The following TRHDE variants were observed in gnomAD, a reference collection of about 807,000 sequenced individuals.
TRHDE encodes the protein thyrotropin releasing hormone degrading enzyme.
A neutral mutation model predicts 125.7 loss-of-function variants in TRHDE; 72 were observed. The observed-to-expected ratio is 0.57, with a 90% CI of 0.47 to 0.70. TRHDE has a LOEUF of 0.70. TRHDE is among the 30% of genes least tolerant of loss of function. The probability of loss-of-function intolerance (pLI) is 0.00; values close to 1 mark genes in which losing one functional copy is unlikely to be tolerated. For missense variants in TRHDE, 1,110 were observed against 1,327.1 expected (o/e 0.84, Z 2.54); for synonymous variants, 509 against 509.1 (o/e 1.00, Z 0.00).
intron 3 of TRHDE, among the ~76,000 whole-genome samples, chr12:72,409,705 A>G (rs989139948): frequency 6.6e-6 from 1 of 152,186 alleles, no homozygotes; most frequent in Non-Finnish European, 1.5e-5. Context: ...TGATTTGGAG[A>G]TGTGATTTAG....
chr12:72,199,798 T>G (rs1877519612), intron 2 of TRHDE, among the ~76,000 whole-genome samples: 1 of 152,186 alleles, frequency 6.6e-6, no homozygotes, highest in Admixed American at 6.5e-5. Context: ...GTTCTTGCAT[T>G]ATGTGAAGAT....
intron 2 of TRHDE, among the ~76,000 whole-genome samples, chr12:72,128,961 A>G (rs914329792): frequency 2.0e-5 from 3 of 152,322 alleles, no homozygotes; most frequent in African/African-American, 4.8e-5. Flanking sequence ...AAGAAAGAGG[A>G]AAAAAGAATA....
chr12:72,572,005 A>ACACACACACACACACACACACC (rs1870758577), intron 10 of TRHDE, among the ~76,000 whole-genome samples: 1 of 151,422 alleles, frequency 6.6e-6, no homozygotes, highest in Admixed American at 6.6e-5. Context: ...ACACACACAC[A>ACACACACACACACACACACACC]CACACACACA....
At chr12:72,287,073 T>C (rs1879916981) in intron 2 of TRHDE, 119 bp downstream of exon 2, 2 of 1,094,922 alleles carry the variant, frequency 1.8e-6, no homozygotes, top group South Asian at 3.3e-5. Context: ...TGGAATTCTT[T>C]CTTTAATTCT....
intron 3 of TRHDE, among the ~76,000 whole-genome samples, chr12:72,433,504 T>C (rs1054003946): frequency 1.3e-5 from 2 of 151,976 alleles, no homozygotes; most frequent in African/African-American, 2.4e-5. Context: ...TCCCCGAGCA[T>C]GGAGCCTTTG....
chr12:72,438,832 A>G (rs546682973), intron 3 of TRHDE, among the ~76,000 whole-genome samples: 2 of 152,002 alleles, frequency 1.3e-5, no homozygotes, highest in East Asian at 3.9e-4. Context: ...TTTTATGGTC[A>G]CATCTAAAAA....
intron 7 of TRHDE, among the ~76,000 whole-genome samples, chr12:72,543,666 C>T (rs1592525393): frequency 6.6e-6 from 1 of 151,334 alleles, no homozygotes; most frequent in Non-Finnish European, 1.5e-5. Context: ...TTGATTTCTT[C>T]ATAGCAAGTT....
intron 2 of TRHDE, among the ~76,000 whole-genome samples, chr12:72,162,648 T>C (rs980771596): frequency 2.0e-5 from 3 of 152,316 alleles, no homozygotes; most frequent in Admixed American, 2.0e-4. Context: ...CTGCTTAAAC[T>C]AGTTAAAGTG....
chr12:72,275,319 C>T (rs549930025), intron 1 of TRHDE, among the ~76,000 whole-genome samples: 1 of 152,234 alleles, frequency 6.6e-6, no homozygotes, highest in South Asian at 2.1e-4. Context: ...AAGTAACCTC[C>T]TATAAATAAA....
Position 72,347,649 on chromosome 12 carries a change from G to A in TRHDE, c.1189-30346G>A, listed in dbSNP as rs145076791. Reference sequence around the variant, plus strand: ...TTCCTCGTGGGTTGTTGGGCTGAGGGCTTCAGTTTCTTGCTGGCATTGGCT... The same window carrying A: ...TTCCTCGTGGGTTGTTGGGCTGAGGACTTCAGTTTCTTGCTGGCATTGGCT... On this transcript the variant is annotated intron_variant, in intron 2 of 18. Transcript: ENST00000261180. Among the ~76,000 whole-genome samples the A allele has an allele frequency of 2.9e-4, 44 of 152,134 alleles. No individual in the cohort carries two copies. The East Asian group carries it at 7.0e-3, about 24-fold the overall frequency.
At chr12:72,208,141 C>T (rs1877705979) in intron 2 of TRHDE, among the ~76,000 whole-genome samples, 1 of 152,160 alleles carries the variant, frequency 6.6e-6, no homozygotes, top group Admixed American at 6.5e-5. Flanking sequence ...CTTCAACCTT[C>T]AGCTATTCGC....
chr12:72,484,598 TA>T lies in TRHDE; in HGVS notation c.1584+11419del, dbSNP rs146996616. Among the ~76,000 whole-genome samples the T allele has an allele frequency of 1.7e-3, 255 of 152,272 alleles. 2 individuals are homozygous for T. The highest frequency in any genetic ancestry group is 6.0e-3 in the African/African-American group (250 of 41,566). ...GTCTGGCCAAAAATTAACAGAAAAT[TA>T]TGAAATGAATGTTAACAAATGTCAA... On this transcript the variant is annotated intron_variant, in intron 5 of 18. Transcript: ENST00000261180.
chr12:72,370,834 C>G (rs1303194298), intron 2 of TRHDE, among the ~76,000 whole-genome samples: 3 of 151,934 alleles, frequency 2.0e-5, no homozygotes. Flanking sequence ...CCTCTGCCTG[C>G]ACCGTTCAAG....
intron 15 of TRHDE, among the ~76,000 whole-genome samples, chr12:72,632,731 CAAA>C (rs35575828): frequency 1.6e-5 from 2 of 127,476 alleles, no homozygotes; most frequent in African/African-American, 2.7e-5. Flanking sequence ...AACATTGGAC[CAAA>C]AAAAAAAAAA....
At chr12:72,482,175 A>G (rs1460402452) in intron 5 of TRHDE, among the ~76,000 whole-genome samples, 1 of 151,892 alleles carries the variant, frequency 6.6e-6, no homozygotes, top group Non-Finnish European at 1.5e-5. Context: ...TGGAATTGGT[A>G]TCTATCAGTT....
At chr12:72,499,726 C>T in intron 6 of TRHDE, 91 bp downstream of exon 6, 1 of 1,428,114 alleles carries the variant, frequency 7.0e-7, no homozygotes, top group Non-Finnish European at 9.6e-7. Context: ...TTCTTTTTTT[C>T]CGGGCAGATA....
At chr12:72,124,395 A>C (rs1275060353) in intron 2 of TRHDE, among the ~76,000 whole-genome samples, 2 of 152,168 alleles carry the variant, frequency 1.3e-5, no homozygotes, top group Admixed American at 6.6e-5. Flanking sequence ...TAAACGTGTA[A>C]GTCATCCAAT....
rs536671505 is a variant in TRHDE, at chr12:72,534,482, G to C, written c.1723-7809G>C. ...ATGCCATTGCCTGAGAATGCTCAAA[G>C]AATGTACGGTCCCAGTGAAAGATAT... is the stretch of plus-strand genomic sequence containing the variant. On this transcript the variant is annotated intron_variant, in intron 6 of 18. Transcript: ENST00000261180. 8.5e-5 allele frequency among the ~76,000 whole-genome samples: 13 copies of C among 152,150 alleles called. No individual in the cohort carries two copies. The South Asian group carries it at 2.5e-3, about 29-fold the overall frequency.
At chr12:72,453,253 C>A (rs796929285) in intron 3 of TRHDE, among the ~76,000 whole-genome samples, 48 of 152,270 alleles carry the variant, frequency 3.2e-4, no homozygotes, top group African/African-American at 9.9e-4. Context: ...GGAGCTGGAA[C>A]AAAGGTCACT....
Sources: gnomAD v4.1 joint callset for allele counts (sites outside exome capture counted in the v4.1 genomes callset) on GRCh38, gnomAD v4.1.1 for gene constraint, MANE v1.5 for transcripts, NCBI Gene and HGNC (gene_info 2026-07-23, HGNC 2026-07-21) for gene names.